SLC26A2: variants seen among roughly 807,000 people sequenced by gnomAD.
SLC26A2 encodes sulfate transporter.
Under a neutral mutation model 41.1 loss-of-function variants are expected in SLC26A2, and 36 were observed. The ratio of observed to expected loss-of-function variants is 0.88; its 90% confidence interval spans 0.67 to 1.16. The LOEUF (loss-of-function observed/expected upper bound fraction) is 1.16. Among genes scored for constraint, SLC26A2 ranks in the 50% most tolerant of loss-of-function variants. The pLI, the probability that SLC26A2 is intolerant of heterozygous loss-of-function variation, is 0.00. For synonymous variants in SLC26A2, 291 were observed against 311.6 expected (o/e 0.93, Z 0.70); for missense variants, 796 against 869.6 (o/e 0.92, Z 1.07).
rs752286696 is a variant in SLC26A2 at position 149,981,449 on chromosome 5, G to A, written c.1856G>A (p.Arg619Lys). 7 of 1,614,098 alleles carry A rather than the reference G, an allele frequency of 4.3e-6. No homozygotes were observed. The highest frequency in any genetic ancestry group is 5.9e-6 in the Non-Finnish European group (7 of 1,179,996). ...IKVAWKKAAK[R>K]KIKEKVVTLG... ...GTGGCTTGGAAGAAGGCAGCAAAGA[G>A]AAAGATCAAAGAAAAAGTAGTGACT... Residue 619 changes from arginine (R) to lysine (K), a missense_variant, in exon 3 of 3, where the codon AGA (arginine) becomes AAA (lysine). Transcript: ENST00000286298.
chr5:149,972,144 T>C (rs951719321), intron 1 of SLC26A2, among the ~76,000 whole-genome samples: 2 of 152,278 alleles, frequency 1.3e-5, no homozygotes, highest in African/African-American at 4.8e-5. Context: ...GATATGTTCC[T>C]CCCTTGAAAA....
At chr5:149,969,920 G>A (rs1221842479) in intron 1 of SLC26A2, among the ~76,000 whole-genome samples, 2 of 152,154 alleles carry the variant, frequency 1.3e-5, no homozygotes, top group African/African-American at 4.8e-5. Context: ...TACCTAGAAT[G>A]CTGTTTAAAA....
intron 1 of SLC26A2, among the ~76,000 whole-genome samples, chr5:149,970,527 A>C (rs961979181): frequency 3.9e-5 from 6 of 152,040 alleles, no homozygotes; most frequent in African/African-American, 1.5e-4. Context: ...AGAAAAATAA[A>C]AGCTGAGACC....
chr5:149,971,688 C>T (rs986655506), intron 1 of SLC26A2, among the ~76,000 whole-genome samples: 1 of 152,228 alleles, frequency 6.6e-6, no homozygotes, highest in Admixed American at 6.5e-5. Flanking sequence ...GTGTGAGCCA[C>T]TGTGCCTGGC....
chr5:149,985,012 C>A lies in SLC26A2; in HGVS notation c.*3199C>A, dbSNP rs1261107608. 1 of 152,142 alleles carries A rather than the reference C, an allele frequency of 6.6e-6. No individual in the cohort carries two copies. Among genetic ancestry groups the A allele is most frequent in the African/African-American group, 2.4e-5 (1 of 41,414 alleles). The allele number at this position is 152,142 out of a possible 1,614,324, so 9.4% of individuals were successfully genotyped here. A position where few individuals can be genotyped will look rare whatever the true frequency, so the allele number is the denominator to read the frequency against. On this transcript the variant is annotated 3_prime_UTR_variant, in exon 3 of 3. Coordinates refer to ENST00000286298, the MANE Select transcript of SLC26A2 (RefSeq NM_000112.4). ...ATTGAAAAGACTATTATCTGACCAG[C>A]GGAGGCAGAAAAGAGAGGAACCCAG...
rs543881367 is a variant in SLC26A2 at position 149,960,764 on chromosome 5, A to G, written c.-241A>G. 4 of 152,364 alleles carry G rather than the reference A, an allele frequency of 2.6e-5. No individual in the cohort carries two copies. The highest frequency in any genetic ancestry group is 6.5e-5 in the Admixed American group (1 of 15,308). The allele number at this position is 152,364 out of a possible 1,614,324, so 9.4% of individuals were successfully genotyped here. A position where few individuals can be genotyped will look rare whatever the true frequency, so the allele number is the denominator to read the frequency against. ...GACGGCCTCGGCCGCGGGCGTTTAC[A>G]CTGGCTCTGCCTCCGGCATCTCTTC... On this transcript the variant is annotated 5_prime_UTR_variant, in exon 1 of 3. Transcript: ENST00000286298.
At chr5:149,971,458 G>C (rs1384279336) in intron 1 of SLC26A2, among the ~76,000 whole-genome samples, 2 of 152,152 alleles carry the variant, frequency 1.3e-5, no homozygotes, top group African/African-American at 4.8e-5. Flanking sequence ...GGAGTGCAGT[G>C]GTGTGATCTC....
chr5:149,980,527 C>T lies in SLC26A2; in HGVS notation c.934C>T (p.Leu312Phe). Residue 312 changes from leucine to phenylalanine, a missense_variant, in exon 3 of 3, where the codon CTT (leucine) becomes TTT (phenylalanine). By Grantham distance (22) the Leu-to-Phe change is conservative (BLOSUM62 0). Transcript: ENST00000286298. ...LCDLITSLLC[L>F]LVLLPTKELN... The stretch of plus-strand genomic sequence containing the variant: ...TGATCTTATCACCAGCCTTTTGTGC[C>T]TTTTGGTTCTTTTGCCAACCAAAGA... 6.2e-7 allele frequency: 1 copy of T among 1,614,166 alleles called. No individual in the cohort carries two copies. The highest frequency in any genetic ancestry group is 8.5e-7 in the Non-Finnish European group (1 of 1,180,020).
chr5:149,970,161 G>T (rs1754877310), intron 1 of SLC26A2, among the ~76,000 whole-genome samples: 1 of 152,166 alleles, frequency 6.6e-6, no homozygotes, highest in African/African-American at 2.4e-5. Flanking sequence ...CTGGGAAGGA[G>T]GTGTTATTTT....
At chr5:149,978,631 G>A (rs1220344726) in intron 2 of SLC26A2, among the ~76,000 whole-genome samples, 1 of 151,682 alleles carries the variant, frequency 6.6e-6, no homozygotes, top group East Asian at 1.9e-4. Context: ...TATTGGCAGA[G>A]TCAGCATTAG....
At position 149,985,028 on chromosome 5, in the gene SLC26A2, A is replaced by T. The variant is rs1755173251; in HGVS notation, c.*3215A>T. 1 of 152,284 alleles carries T rather than the reference A, an allele frequency of 6.6e-6. No individual in the cohort carries two copies. Among genetic ancestry groups the T allele is most frequent in the Non-Finnish European group, 1.5e-5 (1 of 68,084 alleles). The allele number at this position is 152,284 out of a possible 1,614,324, so 9.4% of individuals were successfully genotyped here. On this transcript the variant is annotated 3_prime_UTR_variant, in exon 3 of 3. Coordinates refer to ENST00000286298, the MANE Select transcript of SLC26A2 (RefSeq NM_000112.4). ...TCTGACCAGCGGAGGCAGAAAAGAGAGGAACCCAGTTGAATAGGATCCAAT... is the reference window on the plus strand; with the variant it reads ...TCTGACCAGCGGAGGCAGAAAAGAGTGGAACCCAGTTGAATAGGATCCAAT...
At chr5:149,968,177 C>G (rs1235585135) in intron 1 of SLC26A2, among the ~76,000 whole-genome samples, 3 of 152,038 alleles carry the variant, frequency 2.0e-5, no homozygotes, top group Non-Finnish European at 4.4e-5. Flanking sequence ...TTGATGGACA[C>G]TTGGATTGTT....
At chr5:149,980,262 A>C (rs1193029565) in intron 2 of SLC26A2, 31 bp from the exon 3 acceptor site, 2 of 1,562,846 alleles carry the variant, frequency 1.3e-6, no homozygotes, top group Non-Finnish European at 1.8e-6. Context: ...TTTTCCATTT[A>C]TATTTAACAC....
At position 149,987,208 on chromosome 5, in the gene SLC26A2, C is replaced by T. The variant is rs1385404458; in HGVS notation, c.*5395C>T. 1 of 152,094 alleles carries T rather than the reference C, an allele frequency of 6.6e-6. No homozygotes were observed. Among genetic ancestry groups the T allele is most frequent in the African/African-American group, 2.4e-5 (1 of 41,420 alleles). 9.4% of individuals were successfully genotyped at this position (152,094 alleles called of 1,614,324 possible). ...TAATTCCATGTAAATCATTGCTTAA[C>T]CCTCTTATGGGATGAGGATGAGTTA... On this transcript the variant is annotated 3_prime_UTR_variant, in exon 3 of 3. Coordinates refer to ENST00000286298, the MANE Select transcript of SLC26A2 (RefSeq NM_000112.4).
Position 149,980,365 on chromosome 5 carries a change from A to C in SLC26A2, c.772A>C (p.Thr258Pro). 1.2e-6 allele frequency: 2 copies of C among 1,613,978 alleles called. No homozygotes were observed. Among genetic ancestry groups the C allele is most frequent in the South Asian group, 1.1e-5 (1 of 91,080 alleles). Reference protein sequence around the residue: ...LSDALLSGFVTGASFTILTSQ... With the variant: ...LSDALLSGFVPGASFTILTSQ... ...AGATGCCTTGCTGAGTGGATTTGTCACTGGTGCCTCCTTCACTATTCTTAC... is the reference window on the plus strand; with the variant it reads ...AGATGCCTTGCTGAGTGGATTTGTCCCTGGTGCCTCCTTCACTATTCTTAC... Residue 258 changes from threonine (T) to proline (P), a missense_variant, in exon 3 of 3, where the codon ACT becomes CCT. Thr to Pro is a conservative substitution (Grantham distance 38). Coordinates refer to ENST00000286298, the MANE Select transcript of SLC26A2 (RefSeq NM_000112.4).
intron 1 of SLC26A2, among the ~76,000 whole-genome samples, chr5:149,965,823 T>A (rs550349153): frequency 2.0e-5 from 3 of 152,208 alleles, no homozygotes; most frequent in African/African-American, 7.2e-5. Context: ...AGGAAAAAGG[T>A]TAGGAGTCAG....
intron 1 of SLC26A2, among the ~76,000 whole-genome samples, chr5:149,961,808 G>A: frequency 6.6e-6 from 1 of 151,954 alleles, no homozygotes; most frequent in East Asian, 1.9e-4. Context: ...AATAAGAAAT[G>A]GAGGGCCAAA....
At chr5:149,978,693 CTTTTT>C (rs777260569) in intron 2 of SLC26A2, among the ~76,000 whole-genome samples, 1 of 143,014 alleles carries the variant, frequency 7.0e-6, no homozygotes, top group South Asian at 2.2e-4. Context: ...GAGTTTCTCA[CTTTTT>C]TTTTTTTTCT....
intron 1 of SLC26A2, among the ~76,000 whole-genome samples, chr5:149,964,202 G>C (rs1246567038): frequency 6.6e-6 from 1 of 152,094 alleles, no homozygotes; most frequent in Non-Finnish European, 1.5e-5. Flanking sequence ...AAAAATGTAG[G>C]TTCAGGCTGG....
Sources: allele counts gnomAD v4.1 joint callset (sites outside exome capture counted in the v4.1 genomes callset), GRCh38; gene constraint gnomAD v4.1.1; transcripts MANE v1.5; gene names NCBI Gene and HGNC (gene_info 2026-07-23, HGNC 2026-07-21).